Variants in ATP10B observed in about 807,000 individuals in gnomAD.
The protein encoded by ATP10B is ATPase phospholipid transporting 10B (putative).
ATP10B carries 122 observed loss-of-function variants against 141.2 expected under a neutral mutation model. That is an observed-to-expected ratio of 0.86 (90% CI 0.75 to 1.00). The LOEUF is 1.00. Among genes scored for constraint, ATP10B ranks in the 50% least tolerant of loss-of-function variants. ATP10B has a pLI of 0.00. For missense variants in ATP10B, 1,876 were observed against 1,825.3 expected (o/e 1.03, Z -0.51); for synonymous variants, 685 against 692.0 (o/e 0.99, Z 0.16).
In ATP10B at chr5:160,659,900, GA is replaced by G. The variant is rs374789294; in HGVS notation, c.675+10562del. On this transcript the variant is annotated intron_variant, in intron 7 of 25. Transcript: ENST00000327245. Reference sequence around the variant, plus strand: ...ATAAATAATCAGGTACGTCAGAACTGAGTTCTAATTTGGTCTCAACACTATA... The same window carrying G: ...ATAAATAATCAGGTACGTCAGAACTGGTTCTAATTTGGTCTCAACACTATA... Among the ~76,000 whole-genome samples, 59 of 152,296 alleles carry G rather than the reference GA, an allele frequency of 3.9e-4. No homozygotes were observed. In the East Asian group the frequency reaches 0.011, roughly 29 times the overall value.
At chr5:160,829,505 A>G (rs1171116597) in intron 1 of ATP10B, among the ~76,000 whole-genome samples, 1 of 152,100 alleles carries the variant, frequency 6.6e-6, no homozygotes, top group Non-Finnish European at 1.5e-5. Context: ...GAAGAGTGAC[A>G]TTGGTAGGTT....
chr5:160,576,570 G>T (rs1403013373), intron 24 of ATP10B, among the ~76,000 whole-genome samples: 4 of 152,150 alleles, frequency 2.6e-5, no homozygotes, highest in Admixed American at 2.6e-4. Flanking sequence ...TTTAATAAGA[G>T]AAATCACAAG....
intron 7 of ATP10B, among the ~76,000 whole-genome samples, chr5:160,665,180 GA>G (rs1312649842): frequency 6.6e-6 from 1 of 152,156 alleles, no homozygotes. Flanking sequence ...AGTCCAAGAA[GA>G]ATTCTGAGGA....
At chr5:160,685,736 C>T (rs1014186895) in intron 6 of ATP10B, among the ~76,000 whole-genome samples, 5 of 152,112 alleles carry the variant, frequency 3.3e-5, no homozygotes, top group African/African-American at 1.2e-4. Context: ...AATATGAGTG[C>T]TTATACAACT....
chr5:160,802,442 T>C (rs539561443), intron 1 of ATP10B, among the ~76,000 whole-genome samples: 1 of 152,322 alleles, frequency 6.6e-6, no homozygotes, highest in South Asian at 2.1e-4. Flanking sequence ...TCTAGAGGCA[T>C]TTTTGGTTGT....
chr5:160,910,548 A>G, the ATP10B span, among the ~76,000 whole-genome samples: 1 of 152,182 alleles, frequency 6.6e-6, no homozygotes, highest in East Asian at 1.9e-4. Context: ...TGAGTCTGCA[A>G]TTTTCAAAAT....
At chr5:160,739,627 T>C (rs1172421913) in intron 2 of ATP10B, among the ~76,000 whole-genome samples, 2 of 152,174 alleles carry the variant, frequency 1.3e-5, no homozygotes, top group African/African-American at 2.4e-5. Context: ...AAAACAATCC[T>C]GCCATTCCAT....
chr5:160,693,506 T>G (rs1960744), intron 3 of ATP10B, among the ~76,000 whole-genome samples: 35,376 of 149,428 alleles, frequency 0.24, 4,997 homozygotes, highest in East Asian at 0.69. Flanking sequence ...TTATTTAAAG[T>G]TACCTGAAGA....
chr5:160,735,310 T>C lies in ATP10B; in HGVS notation c.-330-18276A>G, dbSNP rs549187910. Among the ~76,000 whole-genome samples the C allele has an allele frequency of 5.9e-5, 9 of 152,006 alleles. No individual in the cohort carries two copies. The South Asian group carries it at 1.9e-3, about 32-fold the overall frequency. On this transcript the variant is annotated intron_variant, in intron 2 of 25. Transcript: ENST00000327245. ...GAAAATAAAGAGATGAAAAAAGATGTTTCATGCCAATGGAAACTAAAAAAG... is the reference window on the plus strand; with the variant it reads ...GAAAATAAAGAGATGAAAAAAGATGCTTCATGCCAATGGAAACTAAAAAAG...
At chr5:160,823,605 C>T (rs1473275811) in intron 1 of ATP10B, among the ~76,000 whole-genome samples, 1 of 152,048 alleles carries the variant, frequency 6.6e-6, no homozygotes, top group Non-Finnish European at 1.5e-5. Flanking sequence ...GCCTGTAATC[C>T]CAACACTTTG....
intron 1 of ATP10B, among the ~76,000 whole-genome samples, chr5:160,807,486 A>G (rs1193678296): frequency 6.6e-6 from 1 of 152,322 alleles, no homozygotes; most frequent in East Asian, 1.9e-4. Flanking sequence ...GAATACTTTG[A>G]TAACTCAGCA....
chr5:160,667,039 A>C (rs1285012654), intron 7 of ATP10B, among the ~76,000 whole-genome samples: 1 of 152,090 alleles, frequency 6.6e-6, no homozygotes, highest in Non-Finnish European at 1.5e-5. Flanking sequence ...TAACACGGTG[A>C]AACCTCGTCT....
intron 18 of ATP10B, among the ~76,000 whole-genome samples, chr5:160,611,198 C>T (rs990448253): frequency 2.0e-5 from 3 of 152,188 alleles, no homozygotes; most frequent in Non-Finnish European, 2.9e-5. Flanking sequence ...CAGAAAGATT[C>T]GTCATTGACT....
At chr5:160,648,530 G>A (rs1044581255) in intron 8 of ATP10B, among the ~76,000 whole-genome samples, 1 of 152,118 alleles carries the variant, frequency 6.6e-6, no homozygotes, top group African/African-American at 2.4e-5. Context: ...GAGCAGAATT[G>A]CAGTAAAATG....
At chr5:160,600,483 G>A (rs984642277) in intron 21 of ATP10B, among the ~76,000 whole-genome samples, 2 of 152,136 alleles carry the variant, frequency 1.3e-5, no homozygotes, top group South Asian at 2.1e-4. Flanking sequence ...ACAGCCTCAC[G>A]CAGGCCATGA....
At chr5:160,783,943 C>T (rs1770946005) in intron 2 of ATP10B, among the ~76,000 whole-genome samples, 1 of 151,980 alleles carries the variant, frequency 6.6e-6, no homozygotes, top group Non-Finnish European at 1.5e-5. Context: ...GAAGGACTTG[C>T]CTCTATGCAT....
Position 160,818,894 on chromosome 5 carries a change from C to G in ATP10B, c.-576+33047G>C, listed in dbSNP as rs538707151. 3.3e-5 allele frequency among the ~76,000 whole-genome samples: 5 copies of G among 152,206 alleles called. No individual in the cohort carries two copies. In the East Asian group the frequency reaches 5.8e-4, roughly 18 times the overall value. ...AACCATCATTCTCAGCAAACTATTT[C>G]AAGGACAAAAAACCAAATACCACAT... On this transcript the variant is annotated intron_variant, in intron 1 of 25. Transcript: ENST00000327245.
intron 1 of ATP10B, among the ~76,000 whole-genome samples, chr5:160,796,509 A>G (rs923916870): frequency 1.1e-4 from 17 of 152,160 alleles, no homozygotes; most frequent in African/African-American, 3.4e-4. Flanking sequence ...CTTCTAAATG[A>G]GTTCTTTCCC....
chr5:160,572,348 C>A (rs1203789556), intron 24 of ATP10B, among the ~76,000 whole-genome samples: 1 of 152,038 alleles, frequency 6.6e-6, no homozygotes, highest in Non-Finnish European at 1.5e-5. Flanking sequence ...TCTTAAAATT[C>A]TTGTTATATT....
Sources: allele counts gnomAD v4.1 joint callset (sites outside exome capture counted in the v4.1 genomes callset), GRCh38; gene constraint gnomAD v4.1.1; transcripts MANE v1.5; gene names NCBI Gene and HGNC (gene_info 2026-07-23, HGNC 2026-07-21).